Variants in NDST4 observed in about 807,000 individuals in gnomAD.
NDST4 encodes the protein N-heparan sulfate sulfotransferase 4.
In NDST4, 63 loss-of-function variants were observed where a neutral mutation model predicts 100.8. The observed-to-expected ratio is 0.62, with a 90% CI of 0.51 to 0.77. The LOEUF (loss-of-function observed/expected upper bound fraction) is 0.77. Ranked by LOEUF, NDST4 falls within the 30% of genes least tolerant of loss-of-function variation. The pLI, the probability that NDST4 is intolerant of heterozygous loss-of-function variation, is 0.00. For missense variants in NDST4, 943 were observed against 1,018.4 expected (o/e 0.93, Z 1.01); for synonymous variants, 377 against 361.8 (o/e 1.04, Z -0.48).
intron 4 of NDST4, among the ~76,000 whole-genome samples, chr4:114,963,671 C>A (rs1726316004): frequency 6.6e-6 from 1 of 152,046 alleles, no homozygotes; most frequent in African/African-American, 2.4e-5. Context: ...TCAAATTAGT[C>A]AGTTCTAAAT....
intron 2 of NDST4, among the ~76,000 whole-genome samples, chr4:115,036,326 T>C (rs1196682054): frequency 6.6e-6 from 1 of 151,094 alleles, no homozygotes; most frequent in East Asian, 1.9e-4. Flanking sequence ...CTGGTTGTCA[T>C]GGTTTACAGC....
At chr4:115,056,699 G>T (rs1348612589) in intron 2 of NDST4, among the ~76,000 whole-genome samples, 1 of 151,884 alleles carries the variant, frequency 6.6e-6, no homozygotes, top group Non-Finnish European at 1.5e-5. Flanking sequence ...TGCATTTTTG[G>T]TCATGCTCAG....
chr4:114,943,112 T>C (rs1725785807), intron 4 of NDST4, among the ~76,000 whole-genome samples: 1 of 148,222 alleles, frequency 6.7e-6, no homozygotes, highest in Non-Finnish European at 1.5e-5. Flanking sequence ...ATGTATATGA[T>C]AAGGATAAGC....
At chr4:114,841,141 GT>G (rs1236984722) in intron 10 of NDST4, among the ~76,000 whole-genome samples, 1 of 152,150 alleles carries the variant, frequency 6.6e-6, no homozygotes, top group Non-Finnish European at 1.5e-5. Context: ...ACTTTTACCA[GT>G]TTAGCACCAA....
chr4:114,937,809 C>A (rs992975625), intron 4 of NDST4, among the ~76,000 whole-genome samples: 1 of 131,372 alleles, frequency 7.6e-6, no homozygotes, highest in African/African-American at 3.0e-5. Flanking sequence ...ATGTGGGGGG[C>A]GGGGAAAGGT....
At chr4:115,094,121 A>G (rs1729574750) in intron 1 of NDST4, among the ~76,000 whole-genome samples, 1 of 152,078 alleles carries the variant, frequency 6.6e-6, no homozygotes, top group Admixed American at 6.5e-5. Context: ...TTAAAAAAAT[A>G]AAAGAAAATT....
At chr4:114,922,076 G>C (rs571457945) in intron 6 of NDST4, among the ~76,000 whole-genome samples, 1 of 152,066 alleles carries the variant, frequency 6.6e-6, no homozygotes, top group Non-Finnish European at 1.5e-5. Flanking sequence ...GGAATGTCCG[G>C]CCACCATCGG....
chr4:115,032,144 C>T (rs6819065), intron 2 of NDST4, among the ~76,000 whole-genome samples: 15,810 of 151,998 alleles, frequency 0.1, 2,552 homozygotes, highest in African/African-American at 0.34. Context: ...CACATTTAAG[C>T]ACACATGATG....
In NDST4 at chr4:115,073,501, T is replaced by C. The variant is rs565071819; in HGVS notation, c.978+2558A>G. On this transcript the variant is annotated intron_variant, in intron 2 of 13. Transcript: ENST00000264363. ...ATTCAGACATTACAAAGAAGAAAAT[T>C]CTGTAATTTGTGACAACATGGATGA... Among the ~76,000 whole-genome samples, 4 of 152,008 alleles carry C rather than the reference T, an allele frequency of 2.6e-5. No individual in the cohort carries two copies. In the South Asian group the frequency reaches 8.3e-4, roughly 32 times the overall value.
rs796281054 is a variant in NDST4 at position 115,093,481 on chromosome 4, T to TA, written c.-246-16200dup. ...CAGAGCAAGACTCCGTCTCAAAAAA[T>TA]AAAAAAAAAATAAAGAAGACCTAAA... On this transcript the variant is annotated intron_variant, in intron 1 of 13. Coordinates refer to ENST00000264363, the MANE Select transcript of NDST4 (RefSeq NM_022569.3). 4.2e-3 allele frequency among the ~76,000 whole-genome samples: 613 copies of TA among 146,138 alleles called. 6 individuals carry two copies. Among genetic ancestry groups the TA allele is most frequent in the African/African-American group, 0.014 (558 of 39,942 alleles).
At chr4:114,948,571 T>A (rs1725920953) in intron 4 of NDST4, among the ~76,000 whole-genome samples, 1 of 152,118 alleles carries the variant, frequency 6.6e-6, no homozygotes, top group Non-Finnish European at 1.5e-5. Context: ...TGAATTATTA[T>A]ATTTTCATTT....
intron 4 of NDST4, among the ~76,000 whole-genome samples, chr4:114,954,445 G>A (rs1726091123): frequency 6.6e-6 from 1 of 152,038 alleles, no homozygotes; most frequent in Non-Finnish European, 1.5e-5. Context: ...GAATTAAACG[G>A]ATTGAGGTAT....
chr4:115,001,333 T>A (rs1001183511), intron 2 of NDST4, among the ~76,000 whole-genome samples: 1 of 152,076 alleles, frequency 6.6e-6, no homozygotes, highest in Non-Finnish European at 1.5e-5. Flanking sequence ...ATGTAATTAT[T>A]CAGAAGAGTG....
intron 2 of NDST4, among the ~76,000 whole-genome samples, chr4:115,059,368 T>C (rs1728769785): frequency 6.6e-6 from 1 of 152,080 alleles, no homozygotes; most frequent in Non-Finnish European, 1.5e-5. Context: ...AAATATCTCC[T>C]CTCCACACTG....
In NDST4 at chr4:114,931,359, T is replaced by C. The variant is rs569988735; in HGVS notation, c.1536+3847A>G. On this transcript the variant is annotated intron_variant, in intron 6 of 13. Coordinates refer to ENST00000264363, the MANE Select transcript of NDST4 (RefSeq NM_022569.3). ...CTAGTTTTGTGAAGAAGTTGTGAAATAGCTCTAAGAGGGAAATTTATGGCA... is the reference window on the plus strand; with the variant it reads ...CTAGTTTTGTGAAGAAGTTGTGAAACAGCTCTAAGAGGGAAATTTATGGCA... 3.0e-3 allele frequency among the ~76,000 whole-genome samples: 448 copies of C among 151,406 alleles called. 7 individuals are homozygous for C. Among genetic ancestry groups the C allele is most frequent in the Middle Eastern group, 0.027 (8 of 292 alleles).
intron 2 of NDST4, among the ~76,000 whole-genome samples, chr4:115,019,318 G>A (rs1353333088): frequency 1.3e-5 from 2 of 152,024 alleles, no homozygotes; most frequent in Admixed American, 6.6e-5. Context: ...TAAACAAGGT[G>A]TATGTATTTA....
At chr4:115,096,678 A>G (rs1039844633) in intron 1 of NDST4, among the ~76,000 whole-genome samples, 61 of 152,174 alleles carry the variant, frequency 4.0e-4, no homozygotes, top group African/African-American at 1.4e-3. Context: ...TCACACTCCC[A>G]TGTAGCAATA....
chr4:114,852,845 C>A (rs370333299), intron 7 of NDST4, 24 bp from the exon 8 acceptor site: 3 of 1,510,784 alleles, frequency 2.0e-6, no homozygotes, highest in African/African-American at 1.4e-5. Context: ...GAATAAGTAA[C>A]CTCACAGTGT....
At chr4:115,029,366 T>C (rs1235000376) in intron 2 of NDST4, among the ~76,000 whole-genome samples, 1 of 152,082 alleles carries the variant, frequency 6.6e-6, no homozygotes, top group Non-Finnish European at 1.5e-5. Context: ...GGTTAAGGCA[T>C]TGGTTTTAAA....
Sources: allele counts gnomAD v4.1 joint callset (sites outside exome capture counted in the v4.1 genomes callset), GRCh38; gene constraint gnomAD v4.1.1; transcripts MANE v1.5; gene names NCBI Gene and HGNC (gene_info 2026-07-23, HGNC 2026-07-21).